NRG3: variants seen among roughly 807,000 people sequenced by gnomAD.
NRG3 encodes the protein pro-neuregulin-3, membrane-bound isoform.
Under a neutral mutation model 66.9 loss-of-function variants are expected in NRG3, and 31 were observed. The observed-to-expected ratio is 0.46, with a 90% CI of 0.35 to 0.63. NRG3 has a LOEUF of 0.63. Ranked by LOEUF, NRG3 falls within the 20% of genes least tolerant of loss-of-function variation. NRG3 has a pLI of 0.00. For missense variants in NRG3, 910 were observed against 878.9 expected, an observed-to-expected ratio of 1.04 and a Z score of -0.45; for synonymous variants, 393 against 359.4, an observed-to-expected ratio of 1.09 and a Z score of -1.06.
chr10:82,238,606 T>C (rs2076861473), intron 1 of NRG3, among the ~76,000 whole-genome samples: 1 of 152,130 alleles, frequency 6.6e-6, no homozygotes, highest in African/African-American at 2.4e-5. Flanking sequence ...TTCCCCATTC[T>C]CCATTCCCTT....
intron 2 of NRG3, among the ~76,000 whole-genome samples, chr10:82,737,673 C>T (rs1591365522): frequency 6.6e-6 from 1 of 152,144 alleles, no homozygotes; most frequent in East Asian, 1.9e-4. Flanking sequence ...TGCCACCTCC[C>T]CACTTAACAA....
intron 1 of NRG3, among the ~76,000 whole-genome samples, chr10:81,974,883 TTTAG>T (rs1458814593): frequency 6.6e-6 from 1 of 151,762 alleles, no homozygotes; most frequent in Non-Finnish European, 1.5e-5. Flanking sequence ...CTAGTGGGAG[TTTAG>T]TTAAACTTGT....
intron 7 of NRG3, among the ~76,000 whole-genome samples, chr10:82,975,852 G>A (rs1852198909): frequency 6.6e-6 from 1 of 152,100 alleles, no homozygotes; most frequent in South Asian, 2.1e-4. Flanking sequence ...TGACAGTTTA[G>A]CGAACTATGA....
At chr10:82,816,745 C>T (rs1290959316) in intron 3 of NRG3, among the ~76,000 whole-genome samples, 1 of 152,170 alleles carries the variant, frequency 6.6e-6, no homozygotes, top group East Asian at 1.9e-4. Flanking sequence ...TCAGCAGCCC[C>T]AACTCAGAAG....
chr10:81,969,772 A>AGT (rs151308270), intron 1 of NRG3, among the ~76,000 whole-genome samples: 1,617 of 144,920 alleles, frequency 0.011, 13 homozygotes, highest in African/African-American at 0.015. Flanking sequence ...GGACATTTTG[A>AGT]GTGTGTGTGT....
intron 3 of NRG3, among the ~76,000 whole-genome samples, chr10:82,778,836 G>T (rs899858874): frequency 2.0e-5 from 3 of 152,104 alleles, no homozygotes; most frequent in East Asian, 1.9e-4. Context: ...AGTTGCTGGG[G>T]GAGTAGCTGC....
intron 1 of NRG3, among the ~76,000 whole-genome samples, chr10:82,267,765 C>G (rs1564730641): frequency 6.6e-6 from 1 of 152,164 alleles, no homozygotes; most frequent in Non-Finnish European, 1.5e-5. Flanking sequence ...TTACTCAGCT[C>G]TGCATGGTGA....
chr10:82,006,454 A>G (rs1385211730), intron 1 of NRG3, among the ~76,000 whole-genome samples: 1 of 152,092 alleles, frequency 6.6e-6, no homozygotes, highest in African/African-American at 2.4e-5. Context: ...AGGTTTCAGT[A>G]TTAATATGTT....
chr10:82,245,204 T>C (rs544707362), intron 1 of NRG3, among the ~76,000 whole-genome samples: 3 of 152,244 alleles, frequency 2.0e-5, no homozygotes, highest in African/African-American at 7.2e-5. Flanking sequence ...TATGAGGCAT[T>C]AGATTCCCAT....
At chr10:82,732,815 A>G (rs1413898503) in intron 2 of NRG3, among the ~76,000 whole-genome samples, 1 of 152,202 alleles carries the variant, frequency 6.6e-6, no homozygotes, top group East Asian at 1.9e-4. Context: ...TCAAATGTAA[A>G]CTTGAAATGC....
intron 2 of NRG3, among the ~76,000 whole-genome samples, chr10:82,555,686 C>T (rs1389720869): frequency 1.3e-5 from 2 of 152,128 alleles, no homozygotes; most frequent in African/African-American, 4.8e-5. Flanking sequence ...ATGGCCAGTG[C>T]GTTCATAGTT....
chr10:82,948,237 A>G (rs1849202485), intron 4 of NRG3, among the ~76,000 whole-genome samples: 1 of 152,104 alleles, frequency 6.6e-6, no homozygotes, highest in African/African-American at 2.4e-5. Context: ...AGTTTCGAAT[A>G]TTATATTTCA....
At chr10:82,084,502 A>ACTTTTTTTTTT (rs11458166) in intron 1 of NRG3, among the ~76,000 whole-genome samples, 1 of 145,340 alleles carries the variant, frequency 6.9e-6, no homozygotes, top group African/African-American at 2.5e-5. Context: ...CATATATGAG[A>ACTTTTTTTTTT]TTTTTTTTTT....
intron 3 of NRG3, among the ~76,000 whole-genome samples, chr10:82,817,110 A>C (rs2061743894): frequency 6.6e-6 from 1 of 152,172 alleles, no homozygotes; most frequent in Non-Finnish European, 1.5e-5. Flanking sequence ...CCCAGTTTCC[A>C]GTCTTGCATT....
intron 1 of NRG3, among the ~76,000 whole-genome samples, chr10:82,179,519 A>G (rs2073272315): frequency 6.6e-6 from 1 of 151,686 alleles, no homozygotes; most frequent in African/African-American, 2.4e-5. Flanking sequence ...TTTCTCCATT[A>G]TGTTCTTGGC....
In NRG3 at chr10:82,981,163, G is replaced by T. The variant is rs540019761; in HGVS notation, c.1583+2043G>T. 4.6e-5 allele frequency among the ~76,000 whole-genome samples: 7 copies of T among 152,154 alleles called. No homozygotes were observed. The East Asian group carries it at 1.4e-3, about 30-fold the overall frequency. On this transcript the variant is annotated intron_variant, in intron 8 of 8. Transcript: ENST00000372141. ...CTTGAACAATGCACATATCATCAGG[G>T]GCTCAGAGATCTCATTACATGTTCA...
At chr10:82,569,696 T>C (rs1487549618) in intron 2 of NRG3, among the ~76,000 whole-genome samples, 1 of 151,682 alleles carries the variant, frequency 6.6e-6, no homozygotes, top group African/African-American at 2.4e-5. Flanking sequence ...AGCTAACCTT[T>C]CTCTTTATCC....
intron 1 of NRG3, among the ~76,000 whole-genome samples, chr10:82,268,672 C>T (rs548920636): frequency 6.6e-6 from 1 of 152,116 alleles, no homozygotes; most frequent in East Asian, 1.9e-4. Context: ...CCTAATGATC[C>T]TGGAAAGCTG....
rs35502999 is a variant in NRG3 at position 82,952,425 on chromosome 10, C to CAA, written c.1157+868_1157+869dup. On this transcript the variant is annotated intron_variant, in intron 5 of 8. Coordinates refer to ENST00000372141, the MANE Select transcript of NRG3 (RefSeq NM_001010848.4). The stretch of plus-strand genomic sequence containing the variant: ...TGCAGCCTCGGGGACAGAGTTGTCT[C>CAA]AAAAAAAAAAAAAAAGTAGATATAA... 4.5e-3 allele frequency among the ~76,000 whole-genome samples: 473 copies of CAA among 104,572 alleles called. 32 individuals are homozygous for CAA. Among genetic ancestry groups the CAA allele is most frequent in the South Asian group, 0.013 (36 of 2,764 alleles). The allele number at this position is 104,572 out of a possible 152,430, so 68.6% of individuals were successfully genotyped here. A position where few individuals can be genotyped will look rare whatever the true frequency, so the allele number is the denominator to read the frequency against.
Sources: allele counts gnomAD v4.1 joint callset (sites outside exome capture counted in the v4.1 genomes callset), GRCh38; gene constraint gnomAD v4.1.1; transcripts MANE v1.5; gene names NCBI Gene and HGNC (gene_info 2026-07-23, HGNC 2026-07-21).